Variants in MYO16 observed in about 807,000 individuals in gnomAD.
MYO16 encodes myosin XVI, also known as unconventional myosin-XVI.
MYO16 carries 94 observed loss-of-function variants against 205.3 expected under a neutral mutation model. That is an observed-to-expected ratio of 0.46 (90% CI 0.39 to 0.54). The LOEUF is 0.54. Among genes scored for constraint, MYO16 ranks in the 20% least tolerant of loss-of-function variants. The probability of loss-of-function intolerance (pLI) is 0.00; values close to 1 mark genes in which losing one functional copy is unlikely to be tolerated. For missense variants in MYO16, 2,315 were observed against 2,387.5 expected (o/e 0.97, Z 0.63); for synonymous variants, 988 against 954.0 (o/e 1.04, Z -0.66).
upstream of MYO16, among the ~76,000 whole-genome samples, chr13:108,592,897 A>G (rs527339958): frequency 2.6e-5 from 4 of 152,088 alleles, no homozygotes; most frequent in Admixed American, 2.0e-4. Flanking sequence ...TTTTTGATGT[A>G]ATTGTTTGTT....
chr13:108,874,839 G>A (rs1398349009), intron 12 of MYO16, among the ~76,000 whole-genome samples: 1 of 152,166 alleles, frequency 6.6e-6, no homozygotes, highest in Non-Finnish European at 1.5e-5. Flanking sequence ...CCTACAGAGT[G>A]AGATGTTCAT....
At chr13:109,137,850 A>G (rs1227400991) in intron 31 of MYO16, among the ~76,000 whole-genome samples, 1 of 152,054 alleles carries the variant, frequency 6.6e-6, no homozygotes, top group East Asian at 1.9e-4. Flanking sequence ...TCAAATTACA[A>G]CCCTGCCCTA....
At chr13:108,984,132 G>A (rs1884546743) in intron 20 of MYO16, among the ~76,000 whole-genome samples, 1 of 152,124 alleles carries the variant, frequency 6.6e-6, no homozygotes, top group South Asian at 2.1e-4. Context: ...ACTACTTTCT[G>A]CCATAATGAA....
chr13:108,661,801 T>C (rs912892614), intron 1 of MYO16, among the ~76,000 whole-genome samples: 6 of 152,184 alleles, frequency 3.9e-5, no homozygotes, highest in Non-Finnish European at 7.3e-5. Context: ...AGAGACTTCA[T>C]CTTGGTTTGG....
chr13:108,989,736 T>C (rs1188776472), intron 20 of MYO16, among the ~76,000 whole-genome samples: 2 of 152,170 alleles, frequency 1.3e-5, no homozygotes, highest in Non-Finnish European at 2.9e-5. Flanking sequence ...CTAAATTGTT[T>C]TTGAGGAAGG....
chr13:109,161,585 G>T (rs1442892256), intron 32 of MYO16, among the ~76,000 whole-genome samples: 2 of 152,154 alleles, frequency 1.3e-5, no homozygotes, highest in Non-Finnish European at 2.9e-5. Context: ...GGTAACTATT[G>T]TAAGAGCAAT....
chr13:108,742,578 A>G (rs777823498), intron 4 of MYO16, among the ~76,000 whole-genome samples: 14 of 152,216 alleles, frequency 9.2e-5, no homozygotes, highest in Non-Finnish European at 2.1e-4. Flanking sequence ...CCAATGCTCT[A>G]TAACTCGAAT....
intron 16 of MYO16, among the ~76,000 whole-genome samples, chr13:108,947,313 C>T (rs1882976541): frequency 6.6e-6 from 1 of 152,112 alleles, no homozygotes; most frequent in Admixed American, 6.5e-5. Context: ...GCCTCGCCTG[C>T]GGCATATTTC....
chr13:109,202,840 T>A (rs1200217944), intron 34 of MYO16, among the ~76,000 whole-genome samples: 2 of 152,100 alleles, frequency 1.3e-5, no homozygotes, highest in African/African-American at 4.8e-5. Context: ...GGTGCTAGTA[T>A]AAAACAGGCA....
intron 3 of MYO16, among the ~76,000 whole-genome samples, chr13:108,713,058 AT>A (rs1332026692): frequency 6.6e-6 from 1 of 152,116 alleles, no homozygotes; most frequent in Non-Finnish European, 1.5e-5. Flanking sequence ...CTCTAATGAA[AT>A]TTTACTATAC....
intron 16 of MYO16, among the ~76,000 whole-genome samples, chr13:108,955,217 C>A (rs1883303720): frequency 6.6e-6 from 1 of 152,196 alleles, no homozygotes; most frequent in South Asian, 2.1e-4. Context: ...CAGCGAGAGG[C>A]AGACCTTCCC....
At chr13:109,107,027 A>T (rs187492005) in intron 28 of MYO16, among the ~76,000 whole-genome samples, 217 of 152,298 alleles carry the variant, frequency 1.4e-3, no homozygotes, top group African/African-American at 4.8e-3. Flanking sequence ...TCAAGATTAT[A>T]ATACAGACAG....
intron 1 of MYO16, among the ~76,000 whole-genome samples, chr13:108,610,254 C>T (rs1365782565): frequency 2.6e-5 from 4 of 152,148 alleles, no homozygotes; most frequent in African/African-American, 7.2e-5. Context: ...TGGACCAGCA[C>T]ACACATAGTC....
chr13:108,580,977 G>A, the MYO16 span, among the ~76,000 whole-genome samples: 3 of 152,182 alleles, frequency 2.0e-5, no homozygotes, highest in African/African-American at 7.2e-5. Context: ...CCTTCAGCAA[G>A]CATGTTTCTT....
At chr13:108,739,002 C>G (rs1422910080) in intron 4 of MYO16, among the ~76,000 whole-genome samples, 3 of 152,188 alleles carry the variant, frequency 2.0e-5, no homozygotes, top group African/African-American at 4.8e-5. Flanking sequence ...AGATCTTCCT[C>G]CATCCCTTTG....
At chr13:108,978,231 C>A (rs1054699568) in intron 20 of MYO16, among the ~76,000 whole-genome samples, 1 of 151,810 alleles carries the variant, frequency 6.6e-6, no homozygotes, top group East Asian at 1.9e-4. Context: ...TGTAAATGAT[C>A]GTAATTATCT....
At chr13:108,838,698 C>T (rs1291902778) in intron 9 of MYO16, among the ~76,000 whole-genome samples, 1 of 147,864 alleles carries the variant, frequency 6.8e-6, no homozygotes. Context: ...TATACACACA[C>T]ACACACACAC....
At position 108,915,954 on chromosome 13, in the gene MYO16, C is replaced by G. The variant is rs373757150; in HGVS notation, c.1925+5804C>G. ...CGGGGAAGCCACGGCAAGCAGCTCC[C>G]GTGAAGGTTTGGTTTCTGCTAAGGG... On this transcript the variant is annotated intron_variant, in intron 16 of 34. Transcript: ENST00000457511. Among the ~76,000 whole-genome samples, 7 of 152,086 alleles carry G rather than the reference C, an allele frequency of 4.6e-5. No homozygotes were observed. The East Asian group carries it at 9.6e-4, about 21-fold the overall frequency.
At position 108,992,359 on chromosome 13, in the gene MYO16, G is replaced by A. The variant is rs759383574; in HGVS notation, c.2370-17G>A. The A allele has an allele frequency of 1.9e-6, 3 of 1,593,192 alleles. No individual in the cohort carries two copies. The highest frequency in any genetic ancestry group is 1.7e-6 in the Non-Finnish European group (2 of 1,164,108). On this transcript the variant is annotated splice_polypyrimidine_tract_variant and intron_variant, in intron 20 of 34. Transcript: ENST00000457511. ...TTTAAGGATGCCCATTTATCCTGGT[G>A]TATTGTTTTGTTTCAGCATGCAGAC...
Sources: gnomAD v4.1 joint callset for allele counts (sites outside exome capture counted in the v4.1 genomes callset) on GRCh38, gnomAD v4.1.1 for gene constraint, MANE v1.5 for transcripts, NCBI Gene and HGNC (gene_info 2026-07-23, HGNC 2026-07-21) for gene names.